The following NR4A1 variants were observed in gnomAD, a reference collection of about 807,000 sequenced individuals.
The protein encoded by NR4A1 is nuclear receptor subfamily 4 group A member 1.
A neutral mutation model predicts 47.5 loss-of-function variants in NR4A1; 24 were observed. The observed-to-expected ratio is 0.50, with a 90% confidence interval of 0.37 to 0.71. NR4A1 has a LOEUF of 0.71. Among genes scored for constraint, NR4A1 ranks in the 30% least tolerant of loss-of-function variants. The pLI, the probability that NR4A1 is intolerant of heterozygous loss-of-function variation, is 0.00. For synonymous variants in NR4A1, 353 were observed against 345.7 expected, an observed-to-expected ratio of 1.02 and a Z score of -0.24; for missense variants, 669 against 788.6, an observed-to-expected ratio of 0.85 and a Z score of 1.82.
chr12:52,041,124 C>T (rs1185663143), intron 1 of NR4A1, among the ~76,000 whole-genome samples: 3 of 151,878 alleles, frequency 2.0e-5, no homozygotes, highest in Non-Finnish European at 4.4e-5. Flanking sequence ...TTGAACTTCT[C>T]CTAATATTGA....
intron 1 of NR4A1, among the ~76,000 whole-genome samples, chr12:52,033,194 C>T (rs1938166714): frequency 6.6e-6 from 1 of 152,220 alleles, no homozygotes; most frequent in African/African-American, 2.4e-5. Context: ...GCCCGGCCGC[C>T]CCCGGGAGCG....
intron 6 of NR4A1, 149 bp downstream of exon 6, chr12:52,057,679 A>G: frequency 2.4e-6 from 2 of 848,478 alleles, no homozygotes; most frequent in Non-Finnish European, 3.6e-6. Context: ...CCAGCAGTAA[A>G]GTAGGGACCA....
intron 1 of NR4A1, chr12:52,041,801 C>G (rs758328484): frequency 7.3e-7 from 1 of 1,360,558 alleles, no homozygotes; most frequent in Non-Finnish European, 9.5e-7. Context: ...ATCGACTCTC[C>G]CTCTGTAGGC....
Position 52,043,963 on chromosome 12 carries a change from T to C in NR4A1, c.37+2034T>C. 2.3e-6 allele frequency: 3 copies of C among 1,281,876 alleles called. No homozygotes were observed. The South Asian group carries it at 3.7e-5, about 16-fold the overall frequency. 79.4% of individuals were successfully genotyped at this position (1,281,876 alleles called of 1,614,324 possible). A position where few individuals can be genotyped will look rare whatever the true frequency, so the allele number is the denominator to read the frequency against. On this transcript the variant is annotated intron_variant, in intron 2 of 7. Coordinates refer to the NR4A1 transcript ENST00000360284. ...GAATGGGAGCTGGGCTGTTTGGATT[T>C]TTTCCCATTGTGACTGTCATGCCAA...
At chr12:52,035,789 T>A (rs1460379484) in intron 1 of NR4A1, among the ~76,000 whole-genome samples, 1 of 152,014 alleles carries the variant, frequency 6.6e-6, no homozygotes, top group Non-Finnish European at 1.5e-5. Flanking sequence ...TTAGGATTTG[T>A]CCAGCAAAGG....
chr12:52,023,737 G>A (rs1937939198), intron 1 of NR4A1, among the ~76,000 whole-genome samples: 1 of 151,884 alleles, frequency 6.6e-6, no homozygotes, highest in South Asian at 2.1e-4. Flanking sequence ...CCCGTCCACC[G>A]TCCTCTCATC....
chr12:52,024,467 C>T (rs574825584), intron 1 of NR4A1, among the ~76,000 whole-genome samples: 3 of 152,304 alleles, frequency 2.0e-5, no homozygotes, highest in African/African-American at 7.2e-5. Context: ...GAGGCCAAGG[C>T]CGGAGGATCT....
At chr12:52,043,960 A>G in intron 2 of NR4A1, 1 of 1,281,310 alleles carries the variant, frequency 7.8e-7, no homozygotes, top group Non-Finnish European at 1.0e-6. Context: ...GGCTGTTTGG[A>G]TTTTTTCCCA....
In NR4A1 at chr12:52,043,757, C is replaced by T. The variant is rs770595648; in HGVS notation, c.37+1828C>T. On this transcript the variant is annotated intron_variant, in intron 2 of 7. Transcript: ENST00000360284. ...AGCTCGCTCAGCTGCTGCCCAGCCTCGGCTGTGAGGATAGGCTGGCTGGGC... is the reference window on the plus strand; with the variant it reads ...AGCTCGCTCAGCTGCTGCCCAGCCTTGGCTGTGAGGATAGGCTGGCTGGGC... The T allele has an allele frequency of 1.7e-5, 22 of 1,284,304 alleles. No homozygotes were observed. In the South Asian group the frequency reaches 2.0e-4, roughly 12 times the overall value. 79.6% of individuals were successfully genotyped at this position (1,284,304 alleles called of 1,614,324 possible).
At chr12:52,031,075 G>A (rs893163648) in intron 1 of NR4A1, among the ~76,000 whole-genome samples, 2 of 152,024 alleles carry the variant, frequency 1.3e-5, no homozygotes, top group African/African-American at 2.4e-5. Flanking sequence ...GAGTGCAGTG[G>A]TGCTGTCACA....
chr12:52,043,128 T>C (rs1354032665), intron 2 of NR4A1, among the ~76,000 whole-genome samples: 1 of 152,140 alleles, frequency 6.6e-6, no homozygotes, highest in Non-Finnish European at 1.5e-5. Flanking sequence ...GGTGTGTGCC[T>C]GGCCTCCTGA....
At chr12:52,046,837 G>T (rs1193752442), upstream of NR4A1, among the ~76,000 whole-genome samples, 1 of 152,136 alleles carries the variant, frequency 6.6e-6, no homozygotes, top group Non-Finnish European at 1.5e-5. Context: ...CAAAAAATTA[G>T]CCGGGCGTGG....
upstream of NR4A1, among the ~76,000 whole-genome samples, chr12:52,048,658 G>A (rs1361461697): frequency 1.3e-5 from 2 of 152,108 alleles, no homozygotes; most frequent in Non-Finnish European, 2.9e-5. Flanking sequence ...ACATCCTGGG[G>A]CAAAGTGGGT....
Position 52,056,500 on chromosome 12 carries a change from G to T in NR4A1, c.1013G>T (p.Arg338Leu). 1 of 1,612,850 alleles carries T rather than the reference G, an allele frequency of 6.2e-7. No homozygotes were observed. Among genetic ancestry groups the T allele is most frequent in the Non-Finnish European group, 8.5e-7 (1 of 1,179,600 alleles). The change falls in exon 4 of 7, where the codon CGA becomes CTA. Residue 338 changes from arginine (R) to leucine (L), a missense_variant. Arg to Leu is a moderately radical substitution (Grantham distance 102). Coordinates refer to ENST00000394825, the MANE Select transcript of NR4A1 (RefSeq NM_173157.3). ...LAVGMVKEVV[R>L]TDSLKGRRGR... Reference sequence around the variant, plus strand: ...CCTACCCATTCCTTTGCAGTTGTCCGAACAGACAGCCTGAAGGGGCGGCGG... The same window carrying T: ...CCTACCCATTCCTTTGCAGTTGTCCTAACAGACAGCCTGAAGGGGCGGCGG...
At chr12:52,056,719 C>T (rs1939291116) in intron 4 of NR4A1, 74 bp downstream of exon 4, 1 of 1,410,590 alleles carries the variant, frequency 7.1e-7, no homozygotes, top group Non-Finnish European at 9.5e-7. Context: ...GTTAGGAGAG[C>T]TACCCCCTCT....
At position 52,035,213 on chromosome 12, in the gene NR4A1, C is replaced by T. The variant is rs1164571492; in HGVS notation, c.-83-6597C>T. 2.0e-5 allele frequency among the ~76,000 whole-genome samples: 3 copies of T among 152,344 alleles called. No individual in the cohort carries two copies. The South Asian group carries it at 6.2e-4, about 32-fold the overall frequency. ...AGAGACTGCTTCTTCCACCATCTCA[C>T]GCCGCCTCCACATGCCACCCAAAGC... On this transcript the variant is annotated intron_variant, in intron 1 of 7. Transcript: ENST00000360284.
chr12:52,051,507 G>A lies in NR4A1; in HGVS notation c.-64G>A, dbSNP rs1397143096. 6 of 985,784 alleles carry A rather than the reference G, an allele frequency of 6.1e-6. No homozygotes were observed. The highest frequency in any genetic ancestry group is 3.5e-5 in the African/African-American group (2 of 57,372). 61.1% of individuals were successfully genotyped at this position (985,784 alleles called of 1,614,324 possible). On this transcript the variant is annotated 5_prime_UTR_variant, in exon 1 of 7. Coordinates refer to ENST00000394825, the MANE Select transcript of NR4A1 (RefSeq NM_173157.3). ...AGAAGAACTTCGGGAGCGCACGCGG[G>A]ACCAGGGACCAGGCTGAGACTCGGG...
chr12:52,037,836 A>T (rs1224552599), intron 1 of NR4A1: 1 of 984,986 alleles, frequency 1.0e-6, no homozygotes, highest in Admixed American at 6.2e-5. Context: ...CAAGAAACCA[A>T]GGCTGGGGGT....
rs1369390233 is a variant in NR4A1, at chr12:52,056,477, T to A, written c.1007-17T>A. 2.5e-6 allele frequency: 4 copies of A among 1,611,436 alleles called. 1 individual carries two copies. On this transcript the variant is annotated splice_polypyrimidine_tract_variant and intron_variant, in intron 3 of 6. Transcript: ENST00000394825. ...CTCAGATCCCTTCCTTCCTCACCCC[T>A]ACCCATTCCTTTGCAGTTGTCCGAA...
Sources: gnomAD v4.1 joint callset for allele counts (sites outside exome capture counted in the v4.1 genomes callset) on GRCh38, gnomAD v4.1.1 for gene constraint, MANE v1.5 for transcripts, NCBI Gene and HGNC (gene_info 2026-07-23, HGNC 2026-07-21) for gene names.